Variants in SCD observed in about 807,000 individuals in gnomAD.
The protein encoded by SCD is acyl-CoA desaturase.
A neutral mutation model predicts 35.7 loss-of-function variants in SCD; 4 were observed. The ratio of observed to expected loss-of-function variants is 0.11; its 90% CI spans 0.06 to 0.26. The LOEUF (loss-of-function observed/expected upper bound fraction) is 0.26. Ranked by LOEUF, SCD falls within the 10% of genes least tolerant of loss-of-function variation. The pLI is 1.00. For missense variants in SCD, 282 were observed against 460.7 expected, an observed-to-expected ratio of 0.61 and a Z score of 3.55; for synonymous variants, 150 against 170.2, an observed-to-expected ratio of 0.88 and a Z score of 0.92.
intron 1 of SCD, 69 bp downstream of exon 1, chr10:100,347,600 G>T (rs1849813418): frequency 6.3e-7 from 1 of 1,583,308 alleles, no homozygotes; most frequent in Admixed American, 1.7e-5. Context: ...GGGACGGGTT[G>T]GTGGCAGAAG....
chr10:100,353,549 C>G lies in SCD; in HGVS notation c.442-878C>G, dbSNP rs1308415748. On this transcript the variant is annotated intron_variant, in intron 3 of 5. Coordinates refer to ENST00000370355, the MANE Select transcript of SCD (RefSeq NM_005063.5). ...GCAGTGAGCTGAGATCGCGCCACTG[C>G]ACTCCAGCCTGGGCAACAGCAAGAC... 2.8e-5 allele frequency among the ~76,000 whole-genome samples: 4 copies of G among 144,614 alleles called. No individual in the cohort carries two copies. The East Asian group carries it at 8.1e-4, about 29-fold the overall frequency. 94.9% of individuals were successfully genotyped at this position (144,614 alleles called of 152,430 possible).
chr10:100,353,622 AAG>A (rs1223910453), intron 3 of SCD, among the ~76,000 whole-genome samples: 1 of 151,874 alleles, frequency 6.6e-6, no homozygotes, highest in Non-Finnish European at 1.5e-5. Context: ...AGACAGAATG[AAG>A]GGAAATGGGG....
In SCD at chr10:100,361,057, A is replaced by C; in HGVS notation, c.*124A>C. The C allele has an allele frequency of 1.2e-6, 1 of 800,930 alleles. No homozygotes were observed. The highest frequency in any genetic ancestry group is 1.9e-6 in the Non-Finnish European group (1 of 516,092). The allele number at this position is 800,930 out of a possible 1,614,324, so 49.6% of individuals were successfully genotyped here. On this transcript the variant is annotated 3_prime_UTR_variant, in exon 6 of 6. Transcript: ENST00000370355. ...TGATGATGTTAACCCATTCCAGTAC[A>C]GTATTCTTTTAAAATTCAAAAGTAT...
In SCD at chr10:100,352,342, TC is replaced by T; in HGVS notation, c.311-19del. On this transcript the variant is annotated intron_variant, in intron 2 of 5. Transcript: ENST00000370355. This position sits in a 1 kb window ranked among gnomAD's most constrained non-coding sequence, Gnocchi z 4.2. ...GATGGAACTCACACTGATTGGTGAC[TC>T]CCCCACTGTCTTCTCCTGGCAGGGG... 1.2e-6 allele frequency: 2 copies of T among 1,610,496 alleles called. No homozygotes were observed. The highest frequency in any genetic ancestry group is 8.5e-7 in the Non-Finnish European group (1 of 1,178,696).
chr10:100,356,839 T>G lies in SCD; in HGVS notation c.880+75T>G, dbSNP rs1564626291. ...GGATTAGGCTAGGAGCCAGAAAAAC[T>G]AGATAAATCTGTTTTTTATGGCTAC... On this transcript the variant is annotated intron_variant, in intron 5 of 5. Coordinates refer to ENST00000370355, the MANE Select transcript of SCD (RefSeq NM_005063.5). The surrounding 1 kb of genome is among the most constrained non-coding windows in gnomAD (Gnocchi z 4.1). 8.4e-7 allele frequency: 1 copy of G among 1,191,570 alleles called. No homozygotes were observed. Among genetic ancestry groups the G allele is most frequent in the Non-Finnish European group, 1.2e-6 (1 of 819,444 alleles). 73.8% of individuals were successfully genotyped at this position (1,191,570 alleles called of 1,614,324 possible).
chr10:100,358,589 A>G (rs1484394206), intron 5 of SCD, among the ~76,000 whole-genome samples: 2 of 113,460 alleles, frequency 1.8e-5, no homozygotes, highest in East Asian at 4.9e-4. Context: ...ACAGAGCGAG[A>G]CTCCGTCTCA....
chr10:100,358,568 C>T (rs1467483372), intron 5 of SCD, among the ~76,000 whole-genome samples: 8 of 135,904 alleles, frequency 5.9e-5, no homozygotes, highest in South Asian at 2.4e-4. Context: ...GTCCGCAGTC[C>T]GGCCTGGGCG....
chr10:100,352,509 C>G lies in SCD; in HGVS notation c.441+13C>G. 6.2e-7 allele frequency: 1 copy of G among 1,612,428 alleles called. No individual in the cohort carries two copies. Among genetic ancestry groups the G allele is most frequent in the Non-Finnish European group, 8.5e-7 (1 of 1,179,748 alleles). ...AATGGCATTCCAGGTAAGAAGTTGT[C>G]TCTGCTCAGCTGTTTGTCCTCCACA... On this transcript the variant is annotated intron_variant, in intron 3 of 5. Transcript: ENST00000370355. This position sits in a 1 kb window ranked among gnomAD's most constrained non-coding sequence, Gnocchi z 4.2.
At chr10:100,359,727 T>A (rs1312418525) in intron 5 of SCD, among the ~76,000 whole-genome samples, 1 of 152,214 alleles carries the variant, frequency 6.6e-6, no homozygotes, top group Non-Finnish European at 1.5e-5. Flanking sequence ...AGGGTACTGT[T>A]ATCTACAAAG....
At chr10:100,359,256 C>T (rs1231141007) in intron 5 of SCD, among the ~76,000 whole-genome samples, 2 of 152,018 alleles carry the variant, frequency 1.3e-5, no homozygotes, top group Non-Finnish European at 2.9e-5. Context: ...ACCCTTTGTT[C>T]TCCTCCAGCT....
At chr10:100,360,152 C>T (rs942360625) in intron 5 of SCD, among the ~76,000 whole-genome samples, 2 of 152,232 alleles carry the variant, frequency 1.3e-5, no homozygotes, top group African/African-American at 4.8e-5. Flanking sequence ...GAACCTCCCA[C>T]CCCTAGAGGT....
intron 5 of SCD, among the ~76,000 whole-genome samples, chr10:100,357,613 T>C (rs1023651550): frequency 6.6e-6 from 1 of 152,082 alleles, no homozygotes; most frequent in Non-Finnish European, 1.5e-5. Context: ...CTAATGTTGA[T>C]CTTATCTTTT....
At chr10:100,351,519 A>G (rs1349775893) in intron 2 of SCD, among the ~76,000 whole-genome samples, 1 of 152,182 alleles carries the variant, frequency 6.6e-6, no homozygotes, top group Admixed American at 6.5e-5. Context: ...ATTTGGCCAC[A>G]CTGACTGCTT....
At position 100,356,900 on chromosome 10, in the gene SCD, G is replaced by T; in HGVS notation, c.880+136G>T. On this transcript the variant is annotated intron_variant, in intron 5 of 5. Coordinates refer to ENST00000370355, the MANE Select transcript of SCD (RefSeq NM_005063.5). The surrounding 1 kb of genome is among the most constrained non-coding windows in gnomAD (Gnocchi z 4.1). Reference sequence around the variant, plus strand: ...AGTTTTTCCACTATAAAATTAGGGGGCAGTATACTGGAAAACGCTTTTGAG... The same window carrying T: ...AGTTTTTCCACTATAAAATTAGGGGTCAGTATACTGGAAAACGCTTTTGAG... The T allele has an allele frequency of 1.5e-6, 1 of 679,868 alleles. No homozygotes were observed. The highest frequency in any genetic ancestry group is 1.9e-5 in the South Asian group (1 of 52,512). 42.1% of individuals were successfully genotyped at this position (679,868 alleles called of 1,614,324 possible).
rs1022387748 is a variant in SCD, at chr10:100,363,238, A to C, written c.*2305A>C. 3.9e-5 allele frequency: 6 copies of C among 152,296 alleles called. No homozygotes were observed. The highest frequency in any genetic ancestry group is 1.4e-4 in the African/African-American group (6 of 41,446). 9.4% of individuals were successfully genotyped at this position (152,296 alleles called of 1,614,324 possible). A position where few individuals can be genotyped will look rare whatever the true frequency, so the allele number is the denominator to read the frequency against. Reference sequence around the variant, plus strand: ...GAAGTCTGGAAAAAAACAAAAACAGAATTTGAGAACCTTGGACCACTCCTG... The same window carrying C: ...GAAGTCTGGAAAAAAACAAAAACAGCATTTGAGAACCTTGGACCACTCCTG... On this transcript the variant is annotated 3_prime_UTR_variant, in exon 6 of 6. Coordinates refer to ENST00000370355, the MANE Select transcript of SCD (RefSeq NM_005063.5).
intron 5 of SCD, among the ~76,000 whole-genome samples, chr10:100,360,397 A>C (rs1362820206): frequency 6.6e-6 from 1 of 152,136 alleles, no homozygotes; most frequent in Admixed American, 6.5e-5. Flanking sequence ...AGGCTCCCAG[A>C]CAGCCACGGG....
Position 100,356,434 on chromosome 10 carries a change from T to G in SCD, c.648-98T>G. 2.4e-6 allele frequency: 2 copies of G among 840,144 alleles called. No homozygotes were observed. The highest frequency in any genetic ancestry group is 1.8e-5 in the African/African-American group (1 of 54,762). The allele number at this position is 840,144 out of a possible 1,614,324, so 52.0% of individuals were successfully genotyped here. On this transcript the variant is annotated intron_variant, in intron 4 of 5. Coordinates refer to ENST00000370355, the MANE Select transcript of SCD (RefSeq NM_005063.5). The surrounding 1 kb of genome is among the most constrained non-coding windows in gnomAD (Gnocchi z 4.1). ...TTAGAGTCAGACAAGCAATTCAACA[T>G]GGAAGAAAGACAGCCCATCCCCTCC...
In SCD at chr10:100,361,261, A is replaced by C; in HGVS notation, c.*328A>C. 1 of 312,046 alleles carries C rather than the reference A, an allele frequency of 3.2e-6. No individual in the cohort carries two copies. The highest frequency in any genetic ancestry group is 6.0e-6 in the Non-Finnish European group (1 of 166,180). The allele number at this position is 312,046 out of a possible 1,614,324, so 19.3% of individuals were successfully genotyped here. ...GCTCAGTGTCCAGCTTCCAAAGCCT[A>C]GACAACCTTTCTGTAGCCTAAAACG... On this transcript the variant is annotated 3_prime_UTR_variant, in exon 6 of 6. Coordinates refer to ENST00000370355, the MANE Select transcript of SCD (RefSeq NM_005063.5).
At chr10:100,357,442 A>G (rs1849939553) in intron 5 of SCD, among the ~76,000 whole-genome samples, 1 of 152,108 alleles carries the variant, frequency 6.6e-6, no homozygotes, top group African/African-American at 2.4e-5. Context: ...GCATCAAAAT[A>G]ACTGCTGGTG....
Sources: gnomAD v4.1 joint callset for allele counts (sites outside exome capture counted in the v4.1 genomes callset) on GRCh38, gnomAD v4.1.1 for gene constraint, Gnocchi (gnomAD v3.1) non-coding constraint, MANE v1.5 for transcripts, NCBI Gene and HGNC (gene_info 2026-07-23, HGNC 2026-07-21) for gene names.